CA10: variants seen among roughly 807,000 people sequenced by gnomAD.
CA10 encodes carbonic anhydrase 10 (inactive), also known as carbonic anhydrase-related protein 10.
Under a neutral mutation model 44.2 loss-of-function variants are expected in CA10, and 14 were observed. That is an observed-to-expected ratio of 0.32 (90% CI 0.21 to 0.50). The LOEUF (loss-of-function observed/expected upper bound fraction) is 0.50. CA10 is among the 20% of genes least tolerant of loss of function. The pLI, the probability that CA10 is intolerant of heterozygous loss-of-function variation, is 0.99. For missense variants in CA10, 350 were observed against 409.7 expected, an observed-to-expected ratio of 0.85 and a Z score of 1.26; for synonymous variants, 159 against 141.6, an observed-to-expected ratio of 1.12 and a Z score of -0.87.
intron 1 of CA10, among the ~76,000 whole-genome samples, chr17:52,114,643 C>T (rs1477076287): frequency 2.0e-5 from 3 of 152,200 alleles, no homozygotes; most frequent in Admixed American, 6.5e-5. Context: ...GGCAACCTGC[C>T]TCCTTCTCTG....
At chr17:51,938,494 A>T (rs1157462960) in intron 2 of CA10, among the ~76,000 whole-genome samples, 1 of 152,104 alleles carries the variant, frequency 6.6e-6, no homozygotes, top group Non-Finnish European at 1.5e-5. Flanking sequence ...AGCCATGTGC[A>T]TTTATTTCTT....
chr17:51,777,692 C>T (rs979846475), intron 3 of CA10, among the ~76,000 whole-genome samples: 47 of 152,294 alleles, frequency 3.1e-4, no homozygotes, highest in African/African-American at 1.1e-3. Flanking sequence ...GCCTGTAATC[C>T]CAGCACTTCG....
At chr17:52,098,335 A>AGGCCTGGGATGG (rs1160277608) in intron 1 of CA10, among the ~76,000 whole-genome samples, 2 of 152,226 alleles carry the variant, frequency 1.3e-5, no homozygotes, top group Non-Finnish European at 2.9e-5. Context: ...ATGACTCAGA[A>AGGCCTGGGATGG]GGCCTGGGCT....
At position 51,692,525 on chromosome 17, in the gene CA10, A is replaced by C. The variant is rs148082869; in HGVS notation, c.466-38789T>G. 4.9e-3 allele frequency among the ~76,000 whole-genome samples: 748 copies of C among 152,144 alleles called. 9 individuals carry two copies. Among genetic ancestry groups the C allele is most frequent in the African/African-American group, 0.017 (711 of 41,508 alleles). ...GATTTCTTCCTTTCCAACTTGGATA[A>C]TCATTTTCTTTCTTTCTCTTGCTTA... On this transcript the variant is annotated intron_variant, in intron 4 of 8. Transcript: ENST00000451037.
chr17:52,005,430 C>G (rs1412892673), intron 2 of CA10, among the ~76,000 whole-genome samples: 1 of 151,916 alleles, frequency 6.6e-6, no homozygotes, highest in Non-Finnish European at 1.5e-5. Context: ...TCCACCTGGG[C>G]TACTCCCTGG....
intron 3 of CA10, among the ~76,000 whole-genome samples, chr17:51,815,022 C>T (rs540956639): frequency 1.9e-4 from 29 of 152,106 alleles, no homozygotes; most frequent in African/African-American, 6.8e-4. Flanking sequence ...TTCTGAGTTG[C>T]GTTGAACATT....
At chr17:52,089,290 G>A (rs1355056733) in intron 1 of CA10, among the ~76,000 whole-genome samples, 2 of 152,328 alleles carry the variant, frequency 1.3e-5, no homozygotes, top group South Asian at 4.1e-4. Flanking sequence ...GTCTTGGTGA[G>A]TGTACAATGT....
At chr17:51,718,507 C>G (rs1050331414) in intron 4 of CA10, among the ~76,000 whole-genome samples, 1 of 152,144 alleles carries the variant, frequency 6.6e-6, no homozygotes, top group Non-Finnish European at 1.5e-5. Flanking sequence ...AACCCTTCCC[C>G]ATACCTTGCC....
intron 2 of CA10, among the ~76,000 whole-genome samples, chr17:51,959,148 A>G (rs979130497): frequency 6.6e-6 from 1 of 152,038 alleles, no homozygotes; most frequent in Admixed American, 6.6e-5. Flanking sequence ...AGCCCCAGTC[A>G]CAAAGCCTTA....
intron 4 of CA10, among the ~76,000 whole-genome samples, chr17:51,715,496 A>G (rs1342268323): frequency 6.6e-6 from 1 of 152,166 alleles, no homozygotes; most frequent in East Asian, 1.9e-4. Context: ...ATGTGTTGAT[A>G]CAGGCATGCA....
chr17:51,954,580 A>C (rs933097312), intron 2 of CA10, among the ~76,000 whole-genome samples: 4 of 152,180 alleles, frequency 2.6e-5, no homozygotes, highest in East Asian at 1.9e-4. Context: ...AGTAAAAAAA[A>C]CCAGATATCC....
At chr17:51,944,696 CAA>C (rs1369505136) in intron 2 of CA10, among the ~76,000 whole-genome samples, 3 of 151,832 alleles carry the variant, frequency 2.0e-5, no homozygotes, top group African/African-American at 7.3e-5. Context: ...AAAAAATAAC[CAA>C]AATGTGGATA....
intron 3 of CA10, among the ~76,000 whole-genome samples, chr17:51,810,326 T>C (rs887459198): frequency 1.3e-5 from 2 of 152,206 alleles, no homozygotes; most frequent in Non-Finnish European, 2.9e-5. Flanking sequence ...TAAATATTTA[T>C]TGAGTTAATT....
At chr17:52,059,671 TAA>T (rs80080858) in intron 2 of CA10, among the ~76,000 whole-genome samples, 64 of 148,188 alleles carry the variant, frequency 4.3e-4, no homozygotes, top group African/African-American at 1.2e-3. Flanking sequence ...TAAAGTATAA[TAA>T]AAAAAAAAGT....
chr17:51,952,248 A>G (rs1983512094), intron 2 of CA10, among the ~76,000 whole-genome samples: 3 of 152,172 alleles, frequency 2.0e-5, no homozygotes, highest in Admixed American at 1.3e-4. Flanking sequence ...AGTATCACAC[A>G]CTGGGTGGTG....
At chr17:52,041,871 T>C (rs1048924482) in intron 2 of CA10, among the ~76,000 whole-genome samples, 2 of 152,106 alleles carry the variant, frequency 1.3e-5, no homozygotes, top group African/African-American at 4.8e-5. Context: ...TGTTTCATCT[T>C]ATATAATGTC....
chr17:51,805,224 A>G (rs1255208663), intron 3 of CA10, among the ~76,000 whole-genome samples: 1 of 152,170 alleles, frequency 6.6e-6, no homozygotes, highest in Non-Finnish European at 1.5e-5. Flanking sequence ...TGCCTTAGTG[A>G]GGGCTTTCCT....
intron 3 of CA10, among the ~76,000 whole-genome samples, chr17:51,756,743 T>G (rs889362472): frequency 3.3e-5 from 5 of 152,166 alleles, no homozygotes; most frequent in Admixed American, 6.5e-5. Flanking sequence ...CCCAAAGTGT[T>G]GGGATTACAG....
At chr17:51,731,674 G>GATTT (rs10656364) in intron 4 of CA10, among the ~76,000 whole-genome samples, 80,663 of 128,152 alleles carry the variant, frequency 0.63, 25,534 homozygotes, top group East Asian at 0.71. Flanking sequence ...AAAAAAAAAA[G>GATTT]ATTTATTTAT....
Sources: gnomAD v4.1 joint callset for allele counts (sites outside exome capture counted in the v4.1 genomes callset) on GRCh38, gnomAD v4.1.1 for gene constraint, MANE v1.5 for transcripts, NCBI Gene and HGNC (gene_info 2026-07-23, HGNC 2026-07-21) for gene names.